RALGPS1: variants seen among roughly 807,000 people sequenced by gnomAD.
RALGPS1 encodes the protein Ral GEF with PH domain and SH3 binding motif 1, also known as ras-specific guanine nucleotide-releasing factor RalGPS1.
In RALGPS1, 19 loss-of-function variants were observed where a neutral mutation model predicts 78.8. The ratio of observed to expected loss-of-function variants is 0.24; its 90% CI spans 0.17 to 0.35. RALGPS1 has a LOEUF of 0.35. RALGPS1 is among the 10% of genes least tolerant of loss of function. The pLI, the probability that RALGPS1 is intolerant of heterozygous loss-of-function variation, is 1.00. For missense variants in RALGPS1, 454 were observed against 688.3 expected (o/e 0.66, Z 3.81); for synonymous variants, 228 against 256.3 (o/e 0.89, Z 1.06).
intron 4 of RALGPS1, among the ~76,000 whole-genome samples, chr9:126,993,479 G>T (rs1390562246): frequency 1.3e-5 from 2 of 150,980 alleles, no homozygotes; most frequent in Non-Finnish European, 2.9e-5. Context: ...TTAAATATTT[G>T]GTAGATATCA....
intron 4 of RALGPS1, among the ~76,000 whole-genome samples, chr9:126,999,811 C>G (rs1446657523): frequency 1.3e-5 from 2 of 152,192 alleles, no homozygotes; most frequent in Non-Finnish European, 2.9e-5. Context: ...TGTGTGAACA[C>G]AAGTTTTCAA....
intron 8 of RALGPS1, among the ~76,000 whole-genome samples, chr9:127,120,145 C>G (rs2137653115): frequency 6.6e-6 from 1 of 152,268 alleles, no homozygotes; most frequent in East Asian, 1.9e-4. Flanking sequence ...CTCTGCAACT[C>G]CGGGGCAAAC....
At chr9:127,050,646 C>G (rs1420358282) in intron 6 of RALGPS1, among the ~76,000 whole-genome samples, 2 of 152,122 alleles carry the variant, frequency 1.3e-5, no homozygotes, top group Non-Finnish European at 2.9e-5. Context: ...CTGCCCCCGG[C>G]CTGATAGGTT....
At chr9:127,043,033 A>G (rs2047451853) in intron 5 of RALGPS1, among the ~76,000 whole-genome samples, 2 of 152,248 alleles carry the variant, frequency 1.3e-5, no homozygotes, top group Non-Finnish European at 2.9e-5. Flanking sequence ...AGCTAAATAA[A>G]TAGAGAAATA....
At chr9:127,045,754 C>CACACAT (rs2047702752) in intron 5 of RALGPS1, among the ~76,000 whole-genome samples, 1 of 45,660 alleles carries the variant, frequency 2.2e-5, no homozygotes, top group African/African-American at 5.8e-5. Context: ...CACACACACA[C>CACACAT]ACACACATAC....
rs1009358111 is a variant in RALGPS1, at chr9:127,108,807, G to A, written c.610+39451G>A. Reference sequence around the variant, plus strand: ...TGAAAGTAAACAGAGGGGAGAATCAGTGATGGTCCCACCACTGTCAGTGCC... The same window carrying A: ...TGAAAGTAAACAGAGGGGAGAATCAATGATGGTCCCACCACTGTCAGTGCC... On this transcript the variant is annotated intron_variant, in intron 8 of 18. Transcript: ENST00000259351. The A allele has an allele frequency of 9.8e-6, 14 of 1,434,616 alleles. No individual in the cohort carries two copies. In the Admixed American group the frequency reaches 2.0e-4, roughly 21 times the overall value. The allele number at this position is 1,434,616 out of a possible 1,614,324, so 88.9% of individuals were successfully genotyped here.
At position 127,183,728 on chromosome 9, in the gene RALGPS1, T is replaced by C. The variant is rs2060440259; in HGVS notation, c.910+8946T>C. On this transcript the variant is annotated intron_variant, in intron 11 of 18. Coordinates refer to ENST00000259351, the MANE Select transcript of RALGPS1 (RefSeq NM_014636.3). This position sits in a 1 kb window ranked among gnomAD's most constrained non-coding sequence, Gnocchi z 4.0. ...TGTAGGCCCTCTCTCCATGTGCTCC[T>C]CTCTCTGGAAACATACTCTCTCTGC... 4.1e-6 allele frequency: 3 copies of C among 725,376 alleles called. No homozygotes were observed. The highest frequency in any genetic ancestry group is 6.6e-6 in the Non-Finnish European group (3 of 451,368). The allele number at this position is 725,376 out of a possible 1,614,324, so 44.9% of individuals were successfully genotyped here.
At chr9:127,128,651 A>G (rs1270296556) in intron 8 of RALGPS1, among the ~76,000 whole-genome samples, 1 of 152,222 alleles carries the variant, frequency 6.6e-6, no homozygotes, top group Non-Finnish European at 1.5e-5. Context: ...AGCTGCCACT[A>G]GACTGAGTGT....
intron 7 of RALGPS1, among the ~76,000 whole-genome samples, chr9:127,054,309 T>C (rs567403908): frequency 2.9e-4 from 44 of 152,350 alleles, no homozygotes; most frequent in Non-Finnish European, 5.9e-4. Context: ...GATGCTGTTA[T>C]TGTTTTTTGG....
intron 1 of RALGPS1, among the ~76,000 whole-genome samples, chr9:126,931,798 A>T (rs868616455): frequency 6.6e-6 from 1 of 152,252 alleles, no homozygotes; most frequent in African/African-American, 2.4e-5. Context: ...AATTTAAAAA[A>T]ATAACTTTTT....
intron 7 of RALGPS1, among the ~76,000 whole-genome samples, chr9:127,060,749 T>C (rs2135608018): frequency 6.6e-6 from 1 of 152,274 alleles, no homozygotes; most frequent in East Asian, 1.9e-4. Context: ...TTCACATCCC[T>C]GGTTAAAGAT....
At chr9:127,214,486 T>G (rs1160448481) in intron 17 of RALGPS1, among the ~76,000 whole-genome samples, 4 of 152,234 alleles carry the variant, frequency 2.6e-5, no homozygotes, top group Admixed American at 6.5e-5. Flanking sequence ...CCTTTGTATT[T>G]TATACATTTG....
chr9:127,005,889 CCTT>C (rs1281567004), intron 4 of RALGPS1, among the ~76,000 whole-genome samples: 1 of 152,202 alleles, frequency 6.6e-6, no homozygotes, highest in African/African-American at 2.4e-5. Context: ...AGTCTGCAAA[CCTT>C]CTCCTGCTGG....
chr9:127,046,617 T>A (rs1192571177), intron 5 of RALGPS1, among the ~76,000 whole-genome samples: 1 of 140,424 alleles, frequency 7.1e-6, no homozygotes, highest in Non-Finnish European at 1.5e-5. Context: ...AGAGCTTTTA[T>A]CAATCAATAA....
chr9:127,092,454 T>G (rs2052600815), intron 8 of RALGPS1, among the ~76,000 whole-genome samples: 2 of 144,224 alleles, frequency 1.4e-5, no homozygotes, highest in Admixed American at 1.3e-4. Flanking sequence ...GTGGTTATTG[T>G]TTTTTTTTGC....
intron 1 of RALGPS1, among the ~76,000 whole-genome samples, chr9:126,958,142 A>ATAAATATATATATATATATATATATAT (rs1554765217): frequency 1.7e-4 from 13 of 77,102 alleles, no homozygotes; most frequent in African/African-American, 4.9e-4. Flanking sequence ...AAAAAAAAAA[A>ATAAATATATATATATATATATATATAT]ATATATATAT....
At position 127,183,512 on chromosome 9, in the gene RALGPS1, A is replaced by G. The variant is rs2060421634; in HGVS notation, c.910+8730A>G. Among the ~76,000 whole-genome samples the G allele has an allele frequency of 6.6e-6, 1 of 152,138 alleles. No individual in the cohort carries two copies. The highest frequency in any genetic ancestry group is 2.1e-4 in the South Asian group (1 of 4,828). On this transcript the variant is annotated intron_variant, in intron 11 of 18. Transcript: ENST00000259351. The surrounding 1 kb of genome is among the most constrained non-coding windows in gnomAD (Gnocchi z 4.0). ...CTGTCCTCATTCTAACAGACCTGTG[A>G]GCACAACAGACCTGCCTGTGGCCAC...
At chr9:127,141,616 C>CAAAAAAAAAAAAAAA (rs61291398) in intron 8 of RALGPS1, among the ~76,000 whole-genome samples, 5 of 68,674 alleles carry the variant, frequency 7.3e-5, no homozygotes, top group Admixed American at 3.8e-4. Context: ...TTTTTAATGG[C>CAAAAAAAAAAAAAAA]AAAAAAAAAA....
chr9:127,041,016 AGCT>A (rs1261981237), intron 5 of RALGPS1, among the ~76,000 whole-genome samples: 1 of 110,118 alleles, frequency 9.1e-6, no homozygotes, highest in Non-Finnish European at 2.2e-5. Context: ...CTATGAATAA[AGCT>A]GCTACAAACA....
Sources: allele counts gnomAD v4.1 joint callset (sites outside exome capture counted in the v4.1 genomes callset), GRCh38; gene constraint gnomAD v4.1.1; non-coding constraint Gnocchi (gnomAD v3.1); transcripts MANE v1.5; gene names NCBI Gene and HGNC (gene_info 2026-07-23, HGNC 2026-07-21).